Variants in PTPN1 observed in about 807,000 individuals in gnomAD.
PTPN1 encodes protein tyrosine phosphatase non-receptor type 1.
A neutral mutation model predicts 59.9 loss-of-function variants in PTPN1; 12 were observed. That is an observed-to-expected ratio of 0.20 (90% CI 0.13 to 0.32). The LOEUF (loss-of-function observed/expected upper bound fraction) is 0.32. Ranked by LOEUF, PTPN1 falls within the 10% of genes least tolerant of loss-of-function variation. PTPN1 has a pLI of 1.00. For synonymous variants in PTPN1, 178 were observed against 203.6 expected (o/e 0.87, Z 1.07); for missense variants, 356 against 549.2 (o/e 0.65, Z 3.52).
At chr20:50,510,745 A>C (rs6067471) in intron 1 of PTPN1, among the ~76,000 whole-genome samples, 155 bp downstream of exon 1, 63,225 of 150,454 alleles carry the variant, frequency 0.42, 13,419 homozygotes, top group African/African-American at 0.52. Flanking sequence ...GCGTCCCCCC[A>C]CCCTTTGTCC....
chr20:50,578,959 T>C (rs1430674769), intron 6 of PTPN1, among the ~76,000 whole-genome samples: 1 of 152,126 alleles, frequency 6.6e-6, no homozygotes, highest in African/African-American at 2.4e-5. Context: ...TAACCAGCTC[T>C]CTTGTGAATG....
chr20:50,581,154 C>T, intron 8 of PTPN1, 111 bp from the exon 9 acceptor site: 2 of 1,449,028 alleles, frequency 1.4e-6, no homozygotes, highest in Non-Finnish European at 9.1e-7. Flanking sequence ...CATCATCCAA[C>T]TCTGTCTACA....
intron 1 of PTPN1, among the ~76,000 whole-genome samples, chr20:50,539,711 G>T (rs2082640960): frequency 7.2e-6 from 1 of 138,412 alleles, no homozygotes; most frequent in South Asian, 2.3e-4. Flanking sequence ...CTTTAGTGCA[G>T]TGAGGCAGTC....
chr20:50,541,709 C>T (rs554565724), intron 1 of PTPN1, among the ~76,000 whole-genome samples: 2 of 152,252 alleles, frequency 1.3e-5, no homozygotes, highest in East Asian at 1.9e-4. Flanking sequence ...TCAGAATGGC[C>T]GTCCCTTCTC....
intron 5 of PTPN1, among the ~76,000 whole-genome samples, chr20:50,577,002 C>G (rs2082840192): frequency 6.6e-6 from 1 of 152,060 alleles, no homozygotes; most frequent in Non-Finnish European, 1.5e-5. Context: ...ATACCATTTT[C>G]TAGAGAGGAA....
intron 1 of PTPN1, among the ~76,000 whole-genome samples, chr20:50,526,102 C>A (rs1158765154): frequency 6.6e-6 from 1 of 151,926 alleles, no homozygotes; most frequent in East Asian, 1.9e-4. Context: ...TGTGTGTGTG[C>A]GCGTGCAGAT....
At chr20:50,548,817 A>G (rs2082687808) in intron 1 of PTPN1, among the ~76,000 whole-genome samples, 2 of 152,322 alleles carry the variant, frequency 1.3e-5, no homozygotes, top group East Asian at 1.9e-4. Context: ...TCCTGGGTTC[A>G]TGCGATTCTC....
intron 1 of PTPN1, among the ~76,000 whole-genome samples, chr20:50,514,693 A>G (rs2082521533): frequency 6.6e-6 from 1 of 152,174 alleles, no homozygotes; most frequent in South Asian, 2.1e-4. Flanking sequence ...TATATTTTGC[A>G]CAATTTGGCA....
intron 1 of PTPN1, among the ~76,000 whole-genome samples, chr20:50,524,466 ACTGAC>A (rs1257086230): frequency 0.01 from 1,558 of 151,888 alleles, 29 homozygotes; most frequent in African/African-American, 0.035. Context: ...TGCCTAGTTC[ACTGAC>A]TTGCAGCTGC....
intron 1 of PTPN1, among the ~76,000 whole-genome samples, chr20:50,519,275 A>T (rs2122721695): frequency 6.6e-6 from 1 of 152,322 alleles, no homozygotes; most frequent in East Asian, 1.9e-4. Flanking sequence ...AAAATTTATC[A>T]CAAAACTTAT....
chr20:50,516,941 A>C (rs946064059), intron 1 of PTPN1, among the ~76,000 whole-genome samples: 1 of 152,240 alleles, frequency 6.6e-6, no homozygotes, highest in African/African-American at 2.4e-5. Context: ...AAAGTACCTA[A>C]GTCTCCAGCA....
chr20:50,577,210 C>T (rs1395651805), intron 5 of PTPN1, among the ~76,000 whole-genome samples: 3 of 152,210 alleles, frequency 2.0e-5, no homozygotes, highest in African/African-American at 7.2e-5. Context: ...AGTAACTATG[C>T]CATGAGCTCT....
intron 1 of PTPN1, among the ~76,000 whole-genome samples, chr20:50,550,496 C>T (rs2082697628): frequency 6.6e-6 from 1 of 152,218 alleles, no homozygotes. Context: ...TGTGGGTCAA[C>T]TGCAAATAAA....
chr20:50,581,326 G>T lies in PTPN1; in HGVS notation c.1150G>T (p.Ala384Ser). ...GGGGGGAAGTCTTCGAGGTGCCCAG[G>T]CTGCCTCCCCAGCCAAAGGGGAGCC... is the stretch of plus-strand genomic sequence containing the variant. ...VVGGSLRGAQ[A>S]ASPAKGEPSL... is the part of the protein sequence containing the mutation. Residue 384 changes from alanine to serine, a missense_variant, in exon 9 of 10, where the codon GCT (alanine) becomes TCT (serine). By Grantham distance (99) the Ala-to-Ser change is moderately conservative. This residue lies in a region of PTPN1 where 62 missense variants were observed against 97.2 expected (regional missense o/e 0.64). Transcript: ENST00000371621. 6.2e-7 allele frequency: 1 copy of T among 1,613,982 alleles called. No homozygotes were observed. Among genetic ancestry groups the T allele is most frequent in the Non-Finnish European group, 8.5e-7 (1 of 1,179,846 alleles).
intron 4 of PTPN1, 106 bp from the exon 5 acceptor site, chr20:50,574,411 C>G (rs1033212909): frequency 2.5e-6 from 3 of 1,190,828 alleles, no homozygotes; most frequent in Non-Finnish European, 3.5e-6. Context: ...TCAGAAACCC[C>G]CAGGCCTTTG....
In PTPN1 at chr20:50,510,462, C is replaced by T; in HGVS notation, c.-66C>T. On this transcript the variant is annotated 5_prime_UTR_variant, in exon 1 of 10. The change creates a new upstream start codon in the 5' untranslated region. Transcript: ENST00000371621. ...GCGGGCCTCGGGGCTAAGAGCGCGA[C>T]GCGGCCTAGAGCGGCAGACGGCGCA... The T allele has an allele frequency of 1.3e-6, 2 of 1,522,216 alleles. No homozygotes were observed. Among genetic ancestry groups the T allele is most frequent in the Non-Finnish European group, 1.8e-6 (2 of 1,127,602 alleles). 94.3% of individuals were successfully genotyped at this position (1,522,216 alleles called of 1,614,324 possible).
intron 1 of PTPN1, among the ~76,000 whole-genome samples, chr20:50,537,192 G>A (rs749639800): frequency 5.9e-5 from 9 of 152,134 alleles, no homozygotes; most frequent in East Asian, 1.9e-4. Context: ...GTGTGGTGGC[G>A]GGCACCTGTA....
chr20:50,582,390 G>A lies in PTPN1; in HGVS notation c.1285-302G>A, dbSNP rs539120442. 6.6e-6 allele frequency among the ~76,000 whole-genome samples: 1 copy of A among 152,248 alleles called. No homozygotes were observed. Among genetic ancestry groups the A allele is most frequent in the Non-Finnish European group, 1.5e-5 (1 of 68,046 alleles). On this transcript the variant is annotated intron_variant, in intron 9 of 9. Transcript: ENST00000371621. The surrounding 1 kb of genome is among the most constrained non-coding windows in gnomAD (Gnocchi z 4.2). ...GTGTTGCTGTTAAGTAAGGGGAAGA[G>A]AGAGGACTAGCCTCAGAGCTCTGGC...
At chr20:50,575,092 T>G (rs563330520) in intron 5 of PTPN1, 1 of 158,812 alleles carries the variant, frequency 6.3e-6, no homozygotes, top group African/African-American at 2.4e-5. Flanking sequence ...AGGTCTTGGG[T>G]TTTTTTGTTG....
Sources: gnomAD v4.1 joint callset for allele counts (sites outside exome capture counted in the v4.1 genomes callset) on GRCh38, gnomAD v4.1.1 for gene constraint, gnomAD v4.1.1 regional missense constraint, Gnocchi (gnomAD v3.1) non-coding constraint, MANE v1.5 for transcripts, NCBI Gene and HGNC (gene_info 2026-07-23, HGNC 2026-07-21) for gene names.